Variants in SYNE2 observed in about 807,000 individuals in gnomAD.
The protein encoded by SYNE2 is spectrin repeat containing nuclear envelope protein 2.
In SYNE2, 431 loss-of-function variants were observed where a neutral mutation model predicts 856.3. The observed-to-expected ratio is 0.50, with a 90% CI of 0.47 to 0.55. The LOEUF is 0.55. SYNE2 is among the 20% of genes least tolerant of loss of function. The pLI is 0.00. For synonymous variants in SYNE2, 2,923 were observed against 2,872.3 expected (o/e 1.02, Z -0.56); for missense variants, 8,129 against 8,023.2 (o/e 1.01, Z -0.50).
At position 64,076,030 on chromosome 14, in the gene SYNE2, C is replaced by G. The variant is rs1009287805; in HGVS notation, c.10952C>G (p.Thr3651Ser). Reference protein sequence around the residue: ...KLRIKYSEMYTIVPAEIESQV... With the variant: ...KLRIKYSEMYSIVPAEIESQV... ...CGAATCAAGTATTCCGAAATGTACACCATAGTCCCTGCAGAGATTGAATCC... is the reference window on the plus strand; with the variant it reads ...CGAATCAAGTATTCCGAAATGTACAGCATAGTCCCTGCAGAGATTGAATCC... The change falls in exon 54 of 116, where the codon ACC becomes AGC. Residue 3651 changes from threonine (T) to serine (S), a missense_variant. Transcript: ENST00000555002. 22 of 1,613,904 alleles carry G rather than the reference C, an allele frequency of 1.4e-5. No homozygotes were observed. The highest frequency in any genetic ancestry group is 1.9e-5 in the Non-Finnish European group (22 of 1,179,846).
At chr14:63,956,168 C>T (rs952821742) in intron 8 of SYNE2, among the ~76,000 whole-genome samples, 1 of 152,174 alleles carries the variant, frequency 6.6e-6, no homozygotes, top group Non-Finnish European at 1.5e-5. Flanking sequence ...GTGATAAATG[C>T]TACTGCTATG....
intron 1 of SYNE2, among the ~76,000 whole-genome samples, chr14:63,797,090 A>AAAAAG (rs367714264): frequency 8.1e-5 from 12 of 148,436 alleles, no homozygotes; most frequent in South Asian, 4.3e-4. Context: ...AAAAAAAAAA[A>AAAAAG]AAAAGAAAAG....
At chr14:64,083,438 A>T (rs1179921463) in intron 57 of SYNE2, among the ~76,000 whole-genome samples, 1 of 151,558 alleles carries the variant, frequency 6.6e-6, no homozygotes, top group African/African-American at 2.4e-5. Flanking sequence ...GAGCTCAGGC[A>T]AAAGCAGCTG....
At chr14:64,042,272 G>A (rs757547359) in intron 45 of SYNE2, among the ~76,000 whole-genome samples, 1 of 152,152 alleles carries the variant, frequency 6.6e-6, no homozygotes, top group Admixed American at 6.5e-5. Context: ...AACCCATAAA[G>A]CAATGTTATA....
chr14:63,816,150 T>G (rs941060431), intron 1 of SYNE2, among the ~76,000 whole-genome samples: 59 of 152,194 alleles, frequency 3.9e-4, no homozygotes, highest in African/African-American at 1.3e-3. Context: ...GGTTTCACCA[T>G]GTTGGCCAGG....
chr14:63,999,113 C>T (rs2096734818), intron 27 of SYNE2, 73 bp downstream of exon 27: 2 of 1,459,320 alleles, frequency 1.4e-6, no homozygotes, highest in Non-Finnish European at 1.9e-6. Flanking sequence ...GTCTGGACAT[C>T]CCCTTTTCTG....
At chr14:64,003,384 T>C (rs781562231) in intron 30 of SYNE2, 54 bp downstream of exon 30, 343 of 1,608,626 alleles carry the variant, frequency 2.1e-4, no homozygotes, top group Non-Finnish European at 2.5e-4. Context: ...TTCTGTATTT[T>C]CACTTCTGTT....
intron 53 of SYNE2, 64 bp downstream of exon 53, chr14:64,074,200 T>C (rs1033090545): frequency 2.6e-6 from 4 of 1,538,052 alleles, no homozygotes; most frequent in African/African-American, 2.7e-5. Flanking sequence ...TCCAAAGTCC[T>C]TGGGGTAGAG....
At chr14:64,139,228 C>T (rs1289038067) in intron 79 of SYNE2, among the ~76,000 whole-genome samples, 3 of 149,190 alleles carry the variant, frequency 2.0e-5, no homozygotes, top group Non-Finnish European at 4.4e-5. Context: ...AGCCATCCTC[C>T]CACCTTGTTA....
intron 79 of SYNE2, among the ~76,000 whole-genome samples, chr14:64,138,936 G>GTA (rs1555505928): frequency 5.6e-5 from 8 of 142,894 alleles, no homozygotes; most frequent in East Asian, 2.0e-4. Context: ...GTGTGTGTGT[G>GTA]TGTATGTATG....
At chr14:63,935,496 A>G (rs1290868344) in intron 2 of SYNE2, among the ~76,000 whole-genome samples, 8 of 152,236 alleles carry the variant, frequency 5.3e-5, no homozygotes, top group Admixed American at 5.2e-4. Context: ...AAATTTTTCT[A>G]GAACTTAAAT....
intron 53 of SYNE2, chr14:64,075,549 AGT>A (rs1369160985): frequency 2.1e-5 from 5 of 240,514 alleles, no homozygotes; most frequent in Non-Finnish European, 4.1e-5. Flanking sequence ...TGGAGGAAGA[AGT>A]AGAAATAGCA....
intron 65 of SYNE2, among the ~76,000 whole-genome samples, chr14:64,109,233 A>G (rs1050498699): frequency 1.3e-5 from 2 of 151,018 alleles, no homozygotes; most frequent in African/African-American, 4.9e-5. Flanking sequence ...GATAACCTCT[A>G]GGGTCTTTTC....
At chr14:63,788,500 T>C (rs1035550010) in intron 1 of SYNE2, among the ~76,000 whole-genome samples, 1 of 151,922 alleles carries the variant, frequency 6.6e-6, no homozygotes, top group African/African-American at 2.4e-5. Context: ...ACAGGGAGGC[T>C]CGGATCTGCA....
At position 64,052,145 on chromosome 14, in the gene SYNE2, G is replaced by A; in HGVS notation, c.8232G>A (p.Lys2744=). ...NKMKETILWA[K]NLLGELNPSI... ...TGAAAGAGACTATCTTATGGGCCAA[G>A]AATTTGTTGGGTGAACTTAATCCCT... The change falls in exon 48 of 116, where the codon AAG becomes AAA. Residue 2744 remains lysine (K), a synonymous_variant. Transcript: ENST00000555002. The A allele has an allele frequency of 6.2e-7, 1 of 1,614,134 alleles. No individual in the cohort carries two copies. Among genetic ancestry groups the A allele is most frequent in the Non-Finnish European group, 8.5e-7 (1 of 1,180,040 alleles).
intron 45 of SYNE2, chr14:64,034,515 G>A: frequency 3.9e-6 from 2 of 514,066 alleles, no homozygotes; most frequent in Non-Finnish European, 3.6e-6. Flanking sequence ...AAATGTGATG[G>A]CAGTTTCCAA....
chr14:63,998,221 A>C lies in SYNE2; in HGVS notation c.3246A>C (p.Ala1082=), dbSNP rs776546793. 9 of 1,610,858 alleles carry C rather than the reference A, an allele frequency of 5.6e-6. No individual in the cohort carries two copies. Among genetic ancestry groups the C allele is most frequent in the Non-Finnish European group, 6.8e-6 (8 of 1,177,132 alleles). The change falls in exon 26 of 116, where the codon GCA becomes GCC. Residue 1082 remains alanine (A), a splice_region_variant and synonymous_variant. Coordinates refer to ENST00000555002, the MANE Select transcript of SYNE2 (RefSeq NM_182914.3). The part of the protein sequence containing the change: ...KSDNQPSTEK[A]MEPTMKFSLA... ...TACTATTTTGCATATTCCCTTAGGC[A>C]ATGGAACCCACTATGAAGTTTAGCC...
intron 45 of SYNE2, among the ~76,000 whole-genome samples, chr14:64,040,142 A>G (rs2097136380): frequency 1.3e-5 from 2 of 152,178 alleles, no homozygotes. Context: ...GGCCAAAGAG[A>G]TTCCCACAAG....
At chr14:64,191,968 T>C (rs1009606972) in intron 99 of SYNE2, among the ~76,000 whole-genome samples, 1 of 152,252 alleles carries the variant, frequency 6.6e-6, no homozygotes, top group Non-Finnish European at 1.5e-5. Context: ...TGGTGCTGTC[T>C]GCTGTGAGGA....
Sources: allele counts gnomAD v4.1 joint callset (sites outside exome capture counted in the v4.1 genomes callset), GRCh38; gene constraint gnomAD v4.1.1; transcripts MANE v1.5; gene names NCBI Gene and HGNC (gene_info 2026-07-23, HGNC 2026-07-21).